Variants in CSMD2 observed in about 807,000 individuals in gnomAD.
CSMD2 encodes the protein CUB and Sushi multiple domains 2.
CSMD2 carries 130 observed loss-of-function variants against 398.5 expected under a neutral mutation model. The ratio of observed to expected loss-of-function variants is 0.33; its 90% CI spans 0.28 to 0.38. The LOEUF (loss-of-function observed/expected upper bound fraction) is 0.38, where lower values mean the gene tolerates loss of function less well. CSMD2 is among the 10% of genes least tolerant of loss of function. The pLI is 1.00. For missense variants in CSMD2, 3,829 were observed against 4,764.9 expected (o/e 0.80, Z 5.78); for synonymous variants, 1,828 against 1,908.5 (o/e 0.96, Z 1.10).
Position 34,164,993 on chromosome 1 carries a change from G to A in CSMD2, c.105C>T (p.Arg35=), listed in dbSNP as rs1320752151. 9.1e-6 allele frequency: 11 copies of A among 1,208,110 alleles called. No individual in the cohort carries two copies. Among genetic ancestry groups the A allele is most frequent in the South Asian group, 4.1e-5 (1 of 24,398 alleles). The allele number at this position is 1,208,110 out of a possible 1,614,324, so 74.8% of individuals were successfully genotyped here. The change falls in exon 1 of 71, where the codon CGC becomes CGT. Residue 35 remains arginine, a synonymous_variant. Transcript: ENST00000373381. This position sits in a 1 kb window ranked among gnomAD's most constrained non-coding sequence, Gnocchi z 6.2. ...GCGTTGGCGGCGGCGGGCGGCCCCA[G>A]CGGCTCCCGGCGCCCGGCACAAGCG... ...ISALVPGAGS[R]WGRPPPPTPP...
At chr1:34,122,151 T>G (rs1662254327) in intron 1 of CSMD2, among the ~76,000 whole-genome samples, 1 of 152,052 alleles carries the variant, frequency 6.6e-6, no homozygotes, top group Admixed American at 6.5e-5. Flanking sequence ...CATTTTTAAT[T>G]ATCACAACTC....
Position 33,524,993 on chromosome 1 carries a change from A to T in CSMD2, c.10285T>A (p.Tyr3429Asn). 6.2e-7 allele frequency: 1 copy of T among 1,614,242 alleles called. No homozygotes were observed. The highest frequency in any genetic ancestry group is 1.3e-5 in the African/African-American group (1 of 75,066). Reference sequence around the variant, plus strand: ...ATGGCTGGCTGCTTCTTCCCCTGGTATTCATAGGCCCCTTTCCACAGGGAA... The same window carrying T: ...ATGGCTGGCTGCTTCTTCCCCTGGTTTTCATAGGCCCCTTTCCACAGGGAA... ...KNSLWKGAYE[Y>N]QGKKQPAMLR... The change falls in exon 66 of 71, where the codon TAC (tyrosine) becomes AAC (asparagine). Residue 3429 changes from tyrosine (Y) to asparagine (N), a missense_variant. Physicochemically the swap from Tyr to Asn is moderately radical, Grantham distance 143 (BLOSUM62 -2). Coordinates refer to ENST00000373381, the MANE Select transcript of CSMD2 (RefSeq NM_001281956.2).
chr1:33,708,326 C>T (rs1452658721), intron 22 of CSMD2, among the ~76,000 whole-genome samples: 1 of 152,162 alleles, frequency 6.6e-6, no homozygotes, highest in East Asian at 1.9e-4. Flanking sequence ...TCAACCAAAA[C>T]ATACACAATG....
intron 12 of CSMD2, among the ~76,000 whole-genome samples, chr1:33,785,336 AT>A (rs66818026): frequency 0.064 from 9,737 of 152,268 alleles, 1,020 homozygotes; most frequent in African/African-American, 0.22. Context: ...TTTGGCTTCT[AT>A]TAAAGATTTT....
At chr1:34,028,405 A>G (rs1649968265) in intron 3 of CSMD2, among the ~76,000 whole-genome samples, 1 of 152,232 alleles carries the variant, frequency 6.6e-6, no homozygotes. Flanking sequence ...AATAATTTAA[A>G]ATTCAGATTA....
At chr1:33,694,665 T>C (rs1645357844) in intron 24 of CSMD2, among the ~76,000 whole-genome samples, 1 of 152,228 alleles carries the variant, frequency 6.6e-6, no homozygotes, top group African/African-American at 2.4e-5. Context: ...TGTGAGTCAA[T>C]TAAGCCTCTT....
At chr1:34,055,305 A>G (rs1382434178) in intron 2 of CSMD2, among the ~76,000 whole-genome samples, 1 of 152,242 alleles carries the variant, frequency 6.6e-6, no homozygotes, top group African/African-American at 2.4e-5. Flanking sequence ...CAAACCAAAC[A>G]AGCAATCATT....
At chr1:33,967,334 A>G (rs2125411162) in intron 3 of CSMD2, among the ~76,000 whole-genome samples, 1 of 152,012 alleles carries the variant, frequency 6.6e-6, no homozygotes, top group East Asian at 1.9e-4. Context: ...TTCTCAGGAT[A>G]TGCCTGGCTT....
intron 5 of CSMD2, among the ~76,000 whole-genome samples, chr1:33,875,856 T>A (rs940384871): frequency 6.6e-6 from 1 of 152,202 alleles, no homozygotes; most frequent in Non-Finnish European, 1.5e-5. Flanking sequence ...AATGTTCTTG[T>A]TTTTGTCTGA....
At chr1:34,004,131 G>A (rs997659660) in intron 3 of CSMD2, among the ~76,000 whole-genome samples, 2 of 152,208 alleles carry the variant, frequency 1.3e-5, no homozygotes, top group Admixed American at 6.5e-5. Context: ...GCAGATGTCT[G>A]GGGAAATATA....
At chr1:33,795,056 C>T (rs1325247) in intron 10 of CSMD2, among the ~76,000 whole-genome samples, 4,298 of 150,588 alleles carry the variant, frequency 0.029, 175 homozygotes, top group African/African-American at 0.099. Context: ...ATAGCAAGGT[C>T]TAGGTGAGGC....
chr1:34,139,589 C>T (rs949695079), intron 1 of CSMD2, among the ~76,000 whole-genome samples: 1 of 152,146 alleles, frequency 6.6e-6, no homozygotes, highest in African/African-American at 2.4e-5. Context: ...CTACAGAAAG[C>T]AGACAGAGTC....
At chr1:34,024,643 T>C (rs1325489819) in intron 3 of CSMD2, among the ~76,000 whole-genome samples, 1 of 152,160 alleles carries the variant, frequency 6.6e-6, no homozygotes, top group Non-Finnish European at 1.5e-5. Flanking sequence ...CCATCGGAAA[T>C]GGAACAGGTT....
chr1:33,671,116 G>A (rs1211525703), intron 25 of CSMD2, among the ~76,000 whole-genome samples: 2 of 152,184 alleles, frequency 1.3e-5, no homozygotes, highest in Non-Finnish European at 2.9e-5. Context: ...AATGCGGGTG[G>A]CTGAGACCTG....
chr1:33,925,928 G>C (rs1570527126), intron 4 of CSMD2, among the ~76,000 whole-genome samples: 2 of 151,998 alleles, frequency 1.3e-5, no homozygotes, highest in South Asian at 4.2e-4. Context: ...ATCTCGTTGG[G>C]CCTGACTGCC....
At chr1:33,726,906 G>T (rs1246346647) in intron 15 of CSMD2, among the ~76,000 whole-genome samples, 3 of 152,184 alleles carry the variant, frequency 2.0e-5, no homozygotes, top group Non-Finnish European at 2.9e-5. Flanking sequence ...GAAATGAAAA[G>T]AATCCTTTAA....
At chr1:33,774,214 A>G (rs1449594848) in intron 12 of CSMD2, among the ~76,000 whole-genome samples, 1 of 151,638 alleles carries the variant, frequency 6.6e-6, no homozygotes, top group African/African-American at 2.4e-5. Flanking sequence ...ACCATGTGCC[A>G]GGTGTGAGGC....
At chr1:34,144,547 G>A (rs544834345) in intron 1 of CSMD2, among the ~76,000 whole-genome samples, 37 of 152,298 alleles carry the variant, frequency 2.4e-4, no homozygotes, top group African/African-American at 3.1e-4. Context: ...TCCTTTGCTG[G>A]TGAATGAGTG....
rs1390473260 is a variant in CSMD2, at chr1:33,515,709, C to G, written c.*915G>C. ...TTGGGTACTGGGGCAGGCTTGCTCC[C>G]CTGTTCTCTCAAGGACCCTGCTGCT... On this transcript the variant is annotated 3_prime_UTR_variant, in exon 71 of 71. Transcript: ENST00000373381. The G allele has an allele frequency of 6.6e-6, 1 of 152,134 alleles. No individual in the cohort carries two copies. Among genetic ancestry groups the G allele is most frequent in the Non-Finnish European group, 1.5e-5 (1 of 68,052 alleles). The allele number at this position is 152,134 out of a possible 1,614,324, so 9.4% of individuals were successfully genotyped here. A position where few individuals can be genotyped will look rare whatever the true frequency, so the allele number is the denominator to read the frequency against.
Sources: allele counts gnomAD v4.1 joint callset (sites outside exome capture counted in the v4.1 genomes callset), GRCh38; gene constraint gnomAD v4.1.1; non-coding constraint Gnocchi (gnomAD v3.1); transcripts MANE v1.5; gene names NCBI Gene and HGNC (gene_info 2026-07-23, HGNC 2026-07-21).